RANBP2: variants seen among roughly 807,000 people sequenced by gnomAD.
The protein encoded by RANBP2 is RAN binding protein 2, also known as E3 SUMO-protein ligase RanBP2.
Under a neutral mutation model 303.6 loss-of-function variants are expected in RANBP2, and 57 were observed. The ratio of observed to expected loss-of-function variants is 0.19; its 90% CI spans 0.15 to 0.23. The LOEUF is 0.23. RANBP2 is among the 10% of genes least tolerant of loss of function. The pLI is 1.00. For synonymous variants in RANBP2, 1,167 were observed against 1,301.5 expected, an observed-to-expected ratio of 0.90 and a Z score of 2.23; for missense variants, 3,138 against 3,780.8, an observed-to-expected ratio of 0.83 and a Z score of 4.46.
the RANBP2 span, among the ~76,000 whole-genome samples, chr2:109,289,943 G>C: frequency 2.6e-5 from 4 of 152,244 alleles, no homozygotes; most frequent in East Asian, 7.7e-4. Flanking sequence ...AAAGCCTATG[G>C]GGCTCTTGGA....
chr2:109,451,450 T>G, the RANBP2 span, among the ~76,000 whole-genome samples: 3 of 152,198 alleles, frequency 2.0e-5, no homozygotes, highest in African/African-American at 7.2e-5. Flanking sequence ...TTCTAGTTCT[T>G]TGCCCAAGAA....
At chr2:109,458,073 C>T in the RANBP2 span, among the ~76,000 whole-genome samples, 1 of 152,168 alleles carries the variant, frequency 6.6e-6, no homozygotes, top group Non-Finnish European at 1.5e-5. Flanking sequence ...CCGGGGAGGG[C>T]ACTCTGTAAC....
At chr2:109,058,141 G>A in the RANBP2 span, among the ~76,000 whole-genome samples, 1 of 152,172 alleles carries the variant, frequency 6.6e-6, no homozygotes, top group Non-Finnish European at 1.5e-5. Context: ...GGCTCGCACT[G>A]TCCCTGGCAG....
chr2:109,407,890 A>G, the RANBP2 span, among the ~76,000 whole-genome samples: 1 of 152,170 alleles, frequency 6.6e-6, no homozygotes, highest in Non-Finnish European at 1.5e-5. Context: ...TGGCGTCCTG[A>G]TGATTTTTGT....
At chr2:109,113,637 G>C in the RANBP2 span, among the ~76,000 whole-genome samples, 1 of 152,176 alleles carries the variant, frequency 6.6e-6, no homozygotes, top group Non-Finnish European at 1.5e-5. Context: ...TCCTTCTCCT[G>C]ACTAATTGCC....
the RANBP2 span, among the ~76,000 whole-genome samples, chr2:109,527,119 T>C: frequency 6.6e-6 from 1 of 152,156 alleles, no homozygotes; most frequent in Non-Finnish European, 1.5e-5. Flanking sequence ...CGTGCACAAA[T>C]ACACATACCT....
the RANBP2 span, among the ~76,000 whole-genome samples, chr2:109,603,149 A>G: frequency 3.9e-5 from 6 of 152,084 alleles, no homozygotes; most frequent in Non-Finnish European, 7.4e-5. Flanking sequence ...AAAAAAGAAT[A>G]CTTAGGAATC....
the RANBP2 span, among the ~76,000 whole-genome samples, chr2:109,725,393 CA>C: frequency 1.3e-5 from 2 of 152,208 alleles, no homozygotes; most frequent in Non-Finnish European, 2.9e-5. Context: ...ATGGCCTGGA[CA>C]GGGGAGAAAC....
At chr2:109,190,715 A>G in the RANBP2 span, among the ~76,000 whole-genome samples, 1 of 152,074 alleles carries the variant, frequency 6.6e-6, no homozygotes, top group Non-Finnish European at 1.5e-5. Context: ...AAAATTTGCT[A>G]GGTGTTGGGT....
the RANBP2 span, among the ~76,000 whole-genome samples, chr2:109,402,873 T>C: frequency 2.0e-5 from 3 of 152,150 alleles, no homozygotes; most frequent in African/African-American, 7.2e-5. Flanking sequence ...AACGTTGCAC[T>C]GGGTTCTGTA....
the RANBP2 span, among the ~76,000 whole-genome samples, chr2:108,992,432 G>A: frequency 6.6e-6 from 1 of 152,222 alleles, no homozygotes; most frequent in Non-Finnish European, 1.5e-5. Context: ...GTGTTTGTAT[G>A]TGAGGGGATT....
the RANBP2 span, among the ~76,000 whole-genome samples, chr2:109,147,090 G>A: frequency 2.6e-5 from 4 of 151,810 alleles, no homozygotes; most frequent in East Asian, 1.9e-4. Flanking sequence ...TCCCTGTCTC[G>A]TTTTCCCCTC....
chr2:109,184,313 A>T, the RANBP2 span, among the ~76,000 whole-genome samples: 9 of 152,334 alleles, frequency 5.9e-5, no homozygotes, highest in Admixed American at 3.3e-4. Flanking sequence ...CCAAGTTCAT[A>T]TCCTTGTTCA....
At chr2:109,659,856 C>A in the RANBP2 span, among the ~76,000 whole-genome samples, 1 of 152,110 alleles carries the variant, frequency 6.6e-6, no homozygotes, top group Non-Finnish European at 1.5e-5. Flanking sequence ...GCAGCCAGGC[C>A]CCGGCCAGGT....
chr2:109,652,750 G>A, the RANBP2 span, among the ~76,000 whole-genome samples: 2 of 152,214 alleles, frequency 1.3e-5, no homozygotes, highest in Non-Finnish European at 1.5e-5. Flanking sequence ...AGCCAGAGAG[G>A]TTTCTCAAAA....
the RANBP2 span, among the ~76,000 whole-genome samples, chr2:108,826,279 C>G: frequency 6.6e-6 from 1 of 152,062 alleles, no homozygotes; most frequent in Non-Finnish European, 1.5e-5. Flanking sequence ...CCAATTTATG[C>G]TTTTTTCTTT....
the RANBP2 span, among the ~76,000 whole-genome samples, chr2:109,410,171 C>T: frequency 6.6e-6 from 1 of 152,218 alleles, no homozygotes; most frequent in African/African-American, 2.4e-5. Context: ...AATCGGGGAA[C>T]CGCGGCCACA....
At chr2:109,646,448 A>C in the RANBP2 span, among the ~76,000 whole-genome samples, 2 of 152,148 alleles carry the variant, frequency 1.3e-5, no homozygotes, top group African/African-American at 4.8e-5. Flanking sequence ...CAAAAGGAGT[A>C]ATGCTCTCCC....
chr2:109,530,523 G>GT, the RANBP2 span, among the ~76,000 whole-genome samples: 8 of 152,192 alleles, frequency 5.3e-5, no homozygotes, highest in Non-Finnish European at 8.8e-5. Flanking sequence ...ATAAGAAAAC[G>GT]TGTCTATACA....
Sources: gnomAD v4.1 joint callset for allele counts (sites outside exome capture counted in the v4.1 genomes callset) on GRCh38, gnomAD v4.1.1 for gene constraint, MANE v1.5 for transcripts, NCBI Gene and HGNC (gene_info 2026-07-23, HGNC 2026-07-21) for gene names.